TICAM2: variants seen among roughly 807,000 people sequenced by gnomAD.
The protein encoded by TICAM2 is TIR domain containing adaptor molecule 2, also known as TIR domain-containing adapter molecule 2.
In TICAM2, 8 loss-of-function variants were observed where a neutral mutation model predicts 7.3. The observed-to-expected ratio is 1.10, with a 90% CI of 0.65 to 1.99. The LOEUF (loss-of-function observed/expected upper bound fraction) is 1.99. TICAM2 is among the 30% of genes most tolerant of loss of function. TICAM2 has a pLI of 0.00. For missense variants in TICAM2, 304 were observed against 278.8 expected (o/e 1.09, Z -0.65); for synonymous variants, 113 against 99.6 (o/e 1.13, Z -0.80).
At chr5:115,587,468 A>G (rs1411842473) in intron 1 of TICAM2, among the ~76,000 whole-genome samples, 2 of 152,230 alleles carry the variant, frequency 1.3e-5, no homozygotes, top group African/African-American at 4.8e-5. Context: ...TAAAGAAACT[A>G]GGCTACAGGA....
chr5:115,591,726 T>C (rs1580414225), intron 1 of TICAM2, among the ~76,000 whole-genome samples: 1 of 151,386 alleles, frequency 6.6e-6, no homozygotes, highest in Non-Finnish European at 1.5e-5. Context: ...CCCTTCAGAA[T>C]AAGGGAGAGA....
Position 115,601,728 on chromosome 5 carries a change from C to T in TICAM2, c.-60+369G>A, listed in dbSNP as rs148376638. Among the ~76,000 whole-genome samples, 80 of 152,322 alleles carry T rather than the reference C, an allele frequency of 5.3e-4. No individual in the cohort carries two copies. The East Asian group carries it at 7.7e-3, about 15-fold the overall frequency. On this transcript the variant is annotated intron_variant, in intron 1 of 1. Transcript: ENST00000427199. ...TGCACAAAAAGCCAAGTAGGAAAAC[C>T]CATGCCAAAACCTCCAGCACTGGCT...
intron 1 of TICAM2, among the ~76,000 whole-genome samples, chr5:115,596,974 C>T (rs766273903): frequency 9.2e-5 from 14 of 152,122 alleles, no homozygotes; most frequent in Non-Finnish European, 1.9e-4. Context: ...CCATCACAGT[C>T]CTATATAAAA....
intron 1 of TICAM2, among the ~76,000 whole-genome samples, chr5:115,597,436 G>T (rs1008754331): frequency 7.2e-5 from 11 of 151,950 alleles, no homozygotes; most frequent in Non-Finnish European, 1.2e-4. Flanking sequence ...CCAAAAACTG[G>T]GGAATGATAA....
intron 1 of TICAM2, among the ~76,000 whole-genome samples, chr5:115,600,249 A>G (rs1239467741): frequency 6.6e-6 from 1 of 152,252 alleles, no homozygotes; most frequent in African/African-American, 2.4e-5. Flanking sequence ...CAGTAGTTCT[A>G]TCTGTCCATA....
chr5:115,599,645 C>A (rs1197337482), intron 1 of TICAM2, among the ~76,000 whole-genome samples: 1 of 152,122 alleles, frequency 6.6e-6, no homozygotes, highest in East Asian at 1.9e-4. Context: ...AGCACAGTAA[C>A]CCCTGAGGCA....
intron 1 of TICAM2, among the ~76,000 whole-genome samples, chr5:115,596,513 G>A (rs377288682): frequency 6.6e-6 from 1 of 152,184 alleles, no homozygotes; most frequent in Non-Finnish European, 1.5e-5. Context: ...CAGAATCAAA[G>A]TGGAGTTACT....
At chr5:115,601,076 C>T (rs1027277696) in intron 1 of TICAM2, among the ~76,000 whole-genome samples, 2 of 152,122 alleles carry the variant, frequency 1.3e-5, no homozygotes, top group African/African-American at 4.8e-5. Context: ...TCTATACCTG[C>T]TTATCTATTT....
At position 115,578,811 on chromosome 5, in the gene TICAM2, G is replaced by C. The variant is rs914572447; in HGVS notation, c.*1738C>G. 1.3e-5 allele frequency: 2 copies of C among 152,134 alleles called. No individual in the cohort carries two copies. Among genetic ancestry groups the C allele is most frequent in the Admixed American group, 1.3e-4 (2 of 15,274 alleles). 9.4% of individuals were successfully genotyped at this position (152,134 alleles called of 1,614,324 possible). On this transcript the variant is annotated 3_prime_UTR_variant, in exon 2 of 2. Coordinates refer to ENST00000427199, the MANE Select transcript of TICAM2 (RefSeq NM_021649.7). ...AATACTTATTATGAAAACTGAAAAA[G>C]AGAAGTGAGTAGTAAGCTACTATCA...
rs1204069016 is a variant in TICAM2 at position 115,578,747 on chromosome 5, T to C, written c.*1802A>G. The C allele has an allele frequency of 2.0e-5, 3 of 151,082 alleles. No homozygotes were observed. Among genetic ancestry groups the C allele is most frequent in the African/African-American group, 7.3e-5 (3 of 41,156 alleles). 9.4% of individuals were successfully genotyped at this position (151,082 alleles called of 1,614,324 possible). A position where few individuals can be genotyped will look rare whatever the true frequency, so the allele number is the denominator to read the frequency against. ...GGGCAGTTCATGTTTTATTAGTATATAAAATTGGCTTTACAGGAAGCATTA... is the reference window on the plus strand; with the variant it reads ...GGGCAGTTCATGTTTTATTAGTATACAAAATTGGCTTTACAGGAAGCATTA... On this transcript the variant is annotated 3_prime_UTR_variant, in exon 2 of 2. Transcript: ENST00000427199.
At chr5:115,587,695 T>TG (rs1755157864) in intron 1 of TICAM2, among the ~76,000 whole-genome samples, 1 of 152,056 alleles carries the variant, frequency 6.6e-6, no homozygotes, top group Non-Finnish European at 1.5e-5. Flanking sequence ...TGGAGTGGGT[T>TG]GGGGGTGACC....
intron 1 of TICAM2, among the ~76,000 whole-genome samples, chr5:115,582,237 A>G (rs184445876): frequency 4.0e-5 from 6 of 151,646 alleles, no homozygotes; most frequent in Non-Finnish European, 7.4e-5. Flanking sequence ...ACTCACTGCA[A>G]TCTCTGCCTC....
At chr5:115,591,771 T>A (rs1369323640) in intron 1 of TICAM2, among the ~76,000 whole-genome samples, 1 of 151,804 alleles carries the variant, frequency 6.6e-6, no homozygotes, top group East Asian at 1.9e-4. Context: ...AGAAAGCAGG[T>A]AAAAGCTACA....
intron 1 of TICAM2, among the ~76,000 whole-genome samples, chr5:115,583,899 A>G (rs1755015674): frequency 6.6e-6 from 1 of 152,244 alleles, no homozygotes; most frequent in Non-Finnish European, 1.5e-5. Flanking sequence ...CACCAGGCTT[A>G]AAAAATTTAG....
intron 1 of TICAM2, 35 bp downstream of exon 1, chr5:115,602,062 C>A (rs171773): frequency 0.55 from 83,343 of 150,688 alleles, 23,556 homozygotes; most frequent in African/African-American, 0.7. Context: ...CCCGCGCCCC[C>A]GGCGGCGGCC....
chr5:115,578,580 G>C lies in TICAM2; in HGVS notation c.*1969C>G, dbSNP rs1394571314. On this transcript the variant is annotated 3_prime_UTR_variant, in exon 2 of 2. Coordinates refer to ENST00000427199, the MANE Select transcript of TICAM2 (RefSeq NM_021649.7). The stretch of plus-strand genomic sequence containing the variant: ...TCTGGTGCTCTATGAAGTACAAATC[G>C]ATGCTTCATTTCAAAACACTCTTCC... The C allele has an allele frequency of 1.3e-5, 2 of 152,054 alleles. No individual in the cohort carries two copies. Among genetic ancestry groups the C allele is most frequent in the African/African-American group, 4.8e-5 (2 of 41,380 alleles). 9.4% of individuals were successfully genotyped at this position (152,054 alleles called of 1,614,324 possible). A position where few individuals can be genotyped will look rare whatever the true frequency, so the allele number is the denominator to read the frequency against.
intron 1 of TICAM2, among the ~76,000 whole-genome samples, chr5:115,598,993 T>C (rs981362769): frequency 2.0e-5 from 3 of 150,922 alleles, no homozygotes; most frequent in Non-Finnish European, 3.0e-5. Flanking sequence ...ATTTGGGAGG[T>C]TGAGGTGGGA....
intron 1 of TICAM2, among the ~76,000 whole-genome samples, chr5:115,583,002 C>T (rs1315483545): frequency 2.0e-5 from 3 of 152,168 alleles, no homozygotes; most frequent in African/African-American, 7.2e-5. Context: ...TCTCGCTCCA[C>T]GGTATATTGT....
intron 1 of TICAM2, among the ~76,000 whole-genome samples, chr5:115,594,476 C>T (rs1388955524): frequency 1.3e-5 from 2 of 152,110 alleles, no homozygotes; most frequent in Admixed American, 6.5e-5. Flanking sequence ...ACATTTTTTG[C>T]TAGTAGATCA....
Sources: gnomAD v4.1 joint callset for allele counts (sites outside exome capture counted in the v4.1 genomes callset) on GRCh38, gnomAD v4.1.1 for gene constraint, MANE v1.5 for transcripts, NCBI Gene and HGNC (gene_info 2026-07-23, HGNC 2026-07-21) for gene names.